Variants in CCDC7 observed in about 807,000 individuals in gnomAD.
CCDC7 encodes coiled-coil domain containing 7.
CCDC7 carries 183 observed loss-of-function variants against 196.9 expected under a neutral mutation model. That is an observed-to-expected ratio of 0.93 (90% CI 0.82 to 1.05). The LOEUF (loss-of-function observed/expected upper bound fraction) is 1.05, where lower values mean the gene tolerates loss of function less well. Ranked by LOEUF, CCDC7 falls within the 50% of genes least tolerant of loss-of-function variation. The probability of loss-of-function intolerance (pLI) is 0.00; values close to 1 mark genes in which losing one functional copy is unlikely to be tolerated. For synonymous variants in CCDC7, 525 were observed against 484.6 expected (o/e 1.08, Z -1.10); for missense variants, 1,540 against 1,482.2 (o/e 1.04, Z -0.64).
At chr10:32,614,920 C>T (rs932899850) in intron 18 of CCDC7, among the ~76,000 whole-genome samples, 6 of 152,128 alleles carry the variant, frequency 3.9e-5, no homozygotes, top group South Asian at 2.1e-4. Flanking sequence ...TGAGTTATTT[C>T]ACTTAGTATA....
intron 25 of CCDC7, chr10:32,725,324 T>C (rs765946935): frequency 2.1e-5 from 10 of 470,814 alleles, no homozygotes; most frequent in Non-Finnish European, 4.4e-5. Context: ...ACAAACCTAC[T>C]AAAAGAATTT....
chr10:32,511,572 A>G, intron 9 of CCDC7: 6 of 1,606,374 alleles, frequency 3.7e-6, no homozygotes, highest in Non-Finnish European at 5.1e-6. Context: ...GCAGAAACCA[A>G]ATCCACTTTT....
At chr10:32,582,140 A>ATATATATATATATATATATATAT (rs1177050764) in intron 16 of CCDC7, among the ~76,000 whole-genome samples, 9 of 128,558 alleles carry the variant, frequency 7.0e-5, no homozygotes, top group African/African-American at 9.8e-5. Flanking sequence ...ATATATATAT[A>ATATATATATATATATATATATAT]CTTTTTTTTT....
intron 18 of CCDC7, among the ~76,000 whole-genome samples, chr10:32,593,450 C>T (rs1424821622): frequency 6.6e-6 from 1 of 151,990 alleles, no homozygotes; most frequent in Non-Finnish European, 1.5e-5. Context: ...GGATATTAGC[C>T]CTTTGTCAGA....
chr10:32,807,237 T>G (rs974539401), intron 30 of CCDC7, among the ~76,000 whole-genome samples: 4 of 152,190 alleles, frequency 2.6e-5, no homozygotes, highest in African/African-American at 9.6e-5. Context: ...CTTCACTTCT[T>G]TCTACTCTTA....
At chr10:32,515,068 C>T (rs2046816695) in intron 9 of CCDC7, among the ~76,000 whole-genome samples, 1 of 152,134 alleles carries the variant, frequency 6.6e-6, no homozygotes, top group African/African-American at 2.4e-5. Flanking sequence ...TCAAGTGATC[C>T]TCCTGCCTTG....
At chr10:32,803,151 T>A (rs1489452570) in intron 29 of CCDC7, among the ~76,000 whole-genome samples, 1 of 152,236 alleles carries the variant, frequency 6.6e-6, no homozygotes, top group East Asian at 1.9e-4. Context: ...CATGTGCCAA[T>A]GAGAAGCATG....
intron 28 of CCDC7, among the ~76,000 whole-genome samples, chr10:32,775,469 A>G (rs985749372): frequency 6.6e-6 from 1 of 152,180 alleles, no homozygotes; most frequent in African/African-American, 2.4e-5. Flanking sequence ...TACTAAGAGC[A>G]CAAGTTTAAA....
chr10:32,474,176 C>A, intron 8 of CCDC7, 153 bp downstream of exon 9: 6 of 192,156 alleles, frequency 3.1e-5, no homozygotes, highest in East Asian at 1.5e-4. Flanking sequence ...TATTGAAATT[C>A]TTAGTTAAGG....
rs2058895059 is a variant in CCDC7, at chr10:32,583,016, T to C, written c.1455-18T>C. On this transcript the variant is annotated intron_variant, in intron 16 of 41. Coordinates refer to ENST00000639629, the Ensembl canonical transcript of CCDC7. ...GGTCTTCACATAATCTAATACCAGATGTTTTATAATTCTAAAGCTCAGAGA... is the reference window on the plus strand; with the variant it reads ...GGTCTTCACATAATCTAATACCAGACGTTTTATAATTCTAAAGCTCAGAGA... The C allele has an allele frequency of 8.2e-7, 1 of 1,226,848 alleles. No individual in the cohort carries two copies. The highest frequency in any genetic ancestry group is 3.2e-5 in the East Asian group (1 of 31,546). The allele number at this position is 1,226,848 out of a possible 1,614,324, so 76.0% of individuals were successfully genotyped here.
chr10:32,487,168 G>A (rs2041283540), intron 8 of CCDC7, among the ~76,000 whole-genome samples: 2 of 152,096 alleles, frequency 1.3e-5, no homozygotes. Context: ...CATATTTCTT[G>A]GAGGCTTTGT....
chr10:32,446,841 G>A (rs867863291), upstream of CCDC7, among the ~76,000 whole-genome samples: 88 of 151,622 alleles, frequency 5.8e-4, no homozygotes, highest in African/African-American at 1.8e-3. Flanking sequence ...GAACTTCATC[G>A]GAGCATTTGT....
intron 9 of CCDC7, among the ~76,000 whole-genome samples, chr10:32,497,944 T>A (rs549275889): frequency 6.6e-6 from 1 of 152,268 alleles, no homozygotes; most frequent in Non-Finnish European, 1.5e-5. Flanking sequence ...GTCCTGGATA[T>A]CCTTGTTAAT....
intron 33 of CCDC7, among the ~76,000 whole-genome samples, chr10:32,842,528 A>G (rs1470270244): frequency 6.6e-6 from 1 of 152,148 alleles, no homozygotes; most frequent in Non-Finnish European, 1.5e-5. Context: ...TGTGGAAAAC[A>G]GTGTGGAAAG....
intron 33 of CCDC7, among the ~76,000 whole-genome samples, chr10:32,837,912 C>T (rs903391806): frequency 7.2e-6 from 1 of 138,096 alleles, no homozygotes; most frequent in African/African-American, 2.7e-5. Context: ...ACATCACACA[C>T]CGGGGCTTGT....
chr10:32,640,190 G>GT (rs1379172024), intron 20 of CCDC7, among the ~76,000 whole-genome samples: 1 of 152,020 alleles, frequency 6.6e-6, no homozygotes. Context: ...CTCTTTCTAG[G>GT]TCTCTAAGGA....
At chr10:32,783,244 A>C (rs1021750531) in intron 29 of CCDC7, among the ~76,000 whole-genome samples, 1 of 152,210 alleles carries the variant, frequency 6.6e-6, no homozygotes, top group Non-Finnish European at 1.5e-5. Context: ...GTGGGAGAAA[A>C]TATTTGCAAA....
chr10:32,565,110 C>A (rs772309171), intron 13 of CCDC7, among the ~76,000 whole-genome samples: 43 of 152,194 alleles, frequency 2.8e-4, no homozygotes, highest in Non-Finnish European at 5.0e-4. Context: ...TCAGTCATAT[C>A]AGAAGCAAAA....
intron 28 of CCDC7, among the ~76,000 whole-genome samples, chr10:32,734,476 G>T (rs1345555356): frequency 2.0e-5 from 3 of 152,116 alleles, no homozygotes; most frequent in South Asian, 2.1e-4. Flanking sequence ...AGCAGAAAAG[G>T]TAACTATTGG....
Sources: allele counts gnomAD v4.1 joint callset (sites outside exome capture counted in the v4.1 genomes callset), GRCh38; gene constraint gnomAD v4.1.1; transcripts MANE v1.5; gene names NCBI Gene and HGNC (gene_info 2026-07-23, HGNC 2026-07-21).